FBXL17: variants seen among roughly 807,000 people sequenced by gnomAD.
The protein encoded by FBXL17 is F-box and leucine rich repeat protein 17.
A neutral mutation model predicts 66.2 loss-of-function variants in FBXL17; 22 were observed. The observed-to-expected ratio is 0.33, with a 90% CI of 0.24 to 0.47. The LOEUF is 0.47. Among genes scored for constraint, FBXL17 ranks in the 20% least tolerant of loss-of-function variants. The pLI is 1.00. For synonymous variants in FBXL17, 474 were observed against 400.5 expected (o/e 1.18, Z -2.19); for missense variants, 878 against 948.2 (o/e 0.93, Z 0.97).
chr5:108,107,161 T>C (rs1319591978), intron 6 of FBXL17, among the ~76,000 whole-genome samples: 1 of 152,090 alleles, frequency 6.6e-6, no homozygotes, highest in African/African-American at 2.4e-5. Context: ...AACCTCCAAC[T>C]CCTGGGTTCA....
rs140733482 is a variant in FBXL17 at position 107,971,094 on chromosome 5, T to C, written c.1822+49831A>G. ...CAAATTTATTCCAAAAGGATTGATATATGAGGGAACAATTTGAGCATAATG... is the reference window on the plus strand; with the variant it reads ...CAAATTTATTCCAAAAGGATTGATACATGAGGGAACAATTTGAGCATAATG... On this transcript the variant is annotated intron_variant, in intron 7 of 8. Coordinates refer to ENST00000542267, the MANE Select transcript of FBXL17 (RefSeq NM_001163315.3). 9.9e-3 allele frequency among the ~76,000 whole-genome samples: 1,513 copies of C among 152,250 alleles called. 21 individuals are homozygous for C. Among genetic ancestry groups the C allele is most frequent in the African/African-American group, 0.035 (1,434 of 41,528 alleles).
At chr5:108,368,009 A>G (rs1352178068) in intron 1 of FBXL17, 56 bp from the exon 2 acceptor site, 3 of 1,482,682 alleles carry the variant, frequency 2.0e-6, no homozygotes, top group African/African-American at 1.4e-5. Context: ...AAGGCACAGG[A>G]AAAGGTTTTT....
chr5:108,083,522 T>C (rs1454495506), intron 6 of FBXL17, among the ~76,000 whole-genome samples: 1 of 151,484 alleles, frequency 6.6e-6, no homozygotes, highest in African/African-American at 2.4e-5. Context: ...CATCTCAGCC[T>C]CCTGATTAGC....
chr5:108,101,219 T>G (rs1254484923), intron 6 of FBXL17, among the ~76,000 whole-genome samples: 1 of 152,336 alleles, frequency 6.6e-6, no homozygotes, highest in Middle Eastern at 3.4e-3. Context: ...ATGAATGGAA[T>G]AGCATAGCAG....
At chr5:108,307,755 T>A (rs923430856) in intron 4 of FBXL17, among the ~76,000 whole-genome samples, 2 of 152,104 alleles carry the variant, frequency 1.3e-5, no homozygotes, top group African/African-American at 4.8e-5. Context: ...TACAACAAAT[T>A]ACCCTTCATC....
At chr5:108,314,027 T>C (rs1262342028) in intron 4 of FBXL17, among the ~76,000 whole-genome samples, 1 of 151,874 alleles carries the variant, frequency 6.6e-6, no homozygotes, top group Admixed American at 6.6e-5. Context: ...TTAAACATTA[T>C]TAAATCTGGG....
intron 4 of FBXL17, among the ~76,000 whole-genome samples, chr5:108,243,738 C>T (rs557700930): frequency 3.3e-5 from 5 of 152,240 alleles, no homozygotes; most frequent in African/African-American, 1.2e-4. Context: ...AAGAGTATTA[C>T]TGAAGGCTAA....
chr5:108,036,819 T>G (rs1198011444), intron 6 of FBXL17, among the ~76,000 whole-genome samples: 1 of 152,206 alleles, frequency 6.6e-6, no homozygotes, highest in Non-Finnish European at 1.5e-5. Flanking sequence ...CAAGTCATAT[T>G]GTTATATACT....
At chr5:108,159,119 T>C (rs1752109619) in intron 6 of FBXL17, among the ~76,000 whole-genome samples, 1 of 152,166 alleles carries the variant, frequency 6.6e-6, no homozygotes, top group African/African-American at 2.4e-5. Flanking sequence ...CAGAATGTCC[T>C]TGACCTTATT....
intron 4 of FBXL17, among the ~76,000 whole-genome samples, chr5:108,292,126 C>G (rs950001792): frequency 4.9e-5 from 7 of 143,570 alleles, no homozygotes; most frequent in African/African-American, 1.5e-4. Flanking sequence ...AACGAAAAAG[C>G]TTTTTTTTTT....
Position 107,980,777 on chromosome 5 carries a change from C to G in FBXL17, c.1822+40148G>C, listed in dbSNP as rs575782199. Among the ~76,000 whole-genome samples the G allele has an allele frequency of 1.6e-3, 231 of 148,468 alleles. 1 individual carries two copies. Among genetic ancestry groups the G allele is most frequent in the African/African-American group, 5.7e-3 (226 of 39,916 alleles). On this transcript the variant is annotated intron_variant, in intron 7 of 8. Transcript: ENST00000542267. Reference sequence around the variant, plus strand: ...GTTCATGCCATTCTCCTGCCTCAGCCTCCTGAGTAGCTGGGACTACAGGCA... The same window carrying G: ...GTTCATGCCATTCTCCTGCCTCAGCGTCCTGAGTAGCTGGGACTACAGGCA...
chr5:108,305,151 G>C (rs141674121), intron 4 of FBXL17, among the ~76,000 whole-genome samples: 1 of 152,046 alleles, frequency 6.6e-6, no homozygotes, highest in African/African-American at 2.4e-5. Context: ...TGTATATGGC[G>C]TGTTCAGAAA....
chr5:108,369,404 T>G (rs1228906067), intron 1 of FBXL17, among the ~76,000 whole-genome samples: 3 of 152,188 alleles, frequency 2.0e-5, no homozygotes, highest in African/African-American at 7.2e-5. Context: ...CTTGGGCACA[T>G]GTTCTCAGGA....
At chr5:108,089,381 G>A (rs531351847) in intron 6 of FBXL17, among the ~76,000 whole-genome samples, 9 of 152,282 alleles carry the variant, frequency 5.9e-5, no homozygotes, top group African/African-American at 2.2e-4. Context: ...CCTGGCCACA[G>A]GAGCTGATTT....
intron 4 of FBXL17, among the ~76,000 whole-genome samples, chr5:108,288,356 T>C (rs766885104): frequency 6.6e-6 from 1 of 151,154 alleles, no homozygotes. Context: ...GACATGAAAT[T>C]AGCACATGCT....
intron 3 of FBXL17, among the ~76,000 whole-genome samples, chr5:108,362,501 G>T (rs887684807): frequency 3.9e-5 from 6 of 152,022 alleles, no homozygotes; most frequent in Admixed American, 1.3e-4. Context: ...ATACATGATT[G>T]TAGTTTTAAA....
chr5:108,008,157 A>G (rs1389789785), intron 7 of FBXL17, among the ~76,000 whole-genome samples: 1 of 152,222 alleles, frequency 6.6e-6, no homozygotes, highest in East Asian at 1.9e-4. Flanking sequence ...CTGTGACAAC[A>G]AAGAAACCAG....
At chr5:107,878,133 G>A in intron 8 of FBXL17, 1 of 600,020 alleles carries the variant, frequency 1.7e-6, no homozygotes, top group Non-Finnish European at 2.1e-6. Context: ...TGCAAAGTGT[G>A]TAGAAAGTGT....
intron 6 of FBXL17, among the ~76,000 whole-genome samples, chr5:108,107,673 A>G (rs34421701): frequency 1.7e-3 from 252 of 151,800 alleles, no homozygotes; most frequent in Non-Finnish European, 2.5e-3. Context: ...TTAGCCAGGC[A>G]TGGTGGCGGG....
Sources: allele counts gnomAD v4.1 joint callset (sites outside exome capture counted in the v4.1 genomes callset), GRCh38; gene constraint gnomAD v4.1.1; transcripts MANE v1.5; gene names NCBI Gene and HGNC (gene_info 2026-07-23, HGNC 2026-07-21).